Variants in SLC35E3 observed in about 807,000 individuals in gnomAD.
The protein encoded by SLC35E3 is bladder cancer-overexpressed gene 1 protein.
Under a neutral mutation model 30.8 loss-of-function variants are expected in SLC35E3, and 28 were observed. The ratio of observed to expected loss-of-function variants is 0.91; its 90% confidence interval spans 0.67 to 1.25. SLC35E3 has a LOEUF of 1.25. SLC35E3 is among the 50% of genes most tolerant of loss of function. SLC35E3 has a pLI of 0.00. For synonymous variants in SLC35E3, 146 were observed against 149.2 expected, an observed-to-expected ratio of 0.98 and a Z score of 0.16; for missense variants, 365 against 375.4, an observed-to-expected ratio of 0.97 and a Z score of 0.23.
Position 68,766,885 on chromosome 12 carries a change from A to G in SLC35E3, c.*1995A>G, listed in dbSNP as rs748028791. On this transcript the variant is annotated 3_prime_UTR_variant, in exon 5 of 5. Transcript: ENST00000398004. ...CAGGCCTGAGCCACCACACCTGGCCAGTAATTTCTTAATCCTACCTCCCTG... is the reference window on the plus strand; with the variant it reads ...CAGGCCTGAGCCACCACACCTGGCCGGTAATTTCTTAATCCTACCTCCCTG... The G allele has an allele frequency of 5.1e-5, 19 of 369,120 alleles. No individual in the cohort carries two copies. Among genetic ancestry groups the G allele is most frequent in the Non-Finnish European group, 9.5e-5 (17 of 179,298 alleles). 22.9% of individuals were successfully genotyped at this position (369,120 alleles called of 1,614,324 possible).
rs1369338352 is a variant in SLC35E3 at position 68,776,003 on chromosome 12, T to G, written c.*11113T>G. ...AAGGCCAGACTTGGTAGCTAACACC[T>G]GTAATCCCAGCACTTTGGGAGGCCA... On this transcript the variant is annotated 3_prime_UTR_variant, in exon 5 of 5. Coordinates refer to ENST00000398004, the MANE Select transcript of SLC35E3 (RefSeq NM_018656.5). The G allele has an allele frequency of 8.3e-6, 1 of 120,558 alleles. No individual in the cohort carries two copies. Among genetic ancestry groups the G allele is most frequent in the Non-Finnish European group, 1.6e-5 (1 of 60,874 alleles). 7.5% of individuals were successfully genotyped at this position (120,558 alleles called of 1,614,324 possible).
At position 68,767,621 on chromosome 12, in the gene SLC35E3, C is replaced by T. The variant is rs542310898; in HGVS notation, c.*2731C>T. 4 of 151,418 alleles carry T rather than the reference C, an allele frequency of 2.6e-5. No individual in the cohort carries two copies. The South Asian group carries it at 8.3e-4, about 31-fold the overall frequency. The allele number at this position is 151,418 out of a possible 1,614,324, so 9.4% of individuals were successfully genotyped here. A position where few individuals can be genotyped will look rare whatever the true frequency, so the allele number is the denominator to read the frequency against. On this transcript the variant is annotated 3_prime_UTR_variant, in exon 5 of 5. Transcript: ENST00000398004. ...TTAACACAATAAAAATATATATACA[C>T]ACATATAATATACCTTTGGGGTTTT...
Position 68,780,193 on chromosome 12 carries a change from G to A in SLC35E3, c.*15303G>A, listed in dbSNP as rs902508713. ...ATTTATTTTGTATTTTTTTGAGACA[G>A]GGTCTTACTTTGTCACCCAGGCTGG... On this transcript the variant is annotated 3_prime_UTR_variant, in exon 5 of 5. Transcript: ENST00000398004. 6.6e-6 allele frequency: 1 copy of A among 151,970 alleles called. No individual in the cohort carries two copies. The highest frequency in any genetic ancestry group is 1.5e-5 in the Non-Finnish European group (1 of 68,010). 9.4% of individuals were successfully genotyped at this position (151,970 alleles called of 1,614,324 possible). A position where few individuals can be genotyped will look rare whatever the true frequency, so the allele number is the denominator to read the frequency against.
chr12:68,757,934 CA>C (rs1280050588), intron 3 of SLC35E3, among the ~76,000 whole-genome samples: 2 of 144,206 alleles, frequency 1.4e-5, no homozygotes, highest in African/African-American at 2.6e-5. Context: ...CCAAAAAATT[CA>C]AAAAAAATTA....
chr12:68,766,690 T>G lies in SLC35E3; in HGVS notation c.*1800T>G. On this transcript the variant is annotated 3_prime_UTR_variant, in exon 5 of 5. Transcript: ENST00000398004. Reference sequence around the variant, plus strand: ...GCCTCAGCCTCCTGGGCTCAAGCAATCCTCCTGCCTCAACCTCCCCAGTAG... The same window carrying G: ...GCCTCAGCCTCCTGGGCTCAAGCAAGCCTCCTGCCTCAACCTCCCCAGTAG... 1 of 425,222 alleles carries G rather than the reference T, an allele frequency of 2.4e-6. No individual in the cohort carries two copies. The highest frequency in any genetic ancestry group is 4.7e-6 in the Non-Finnish European group (1 of 211,856). 26.3% of individuals were successfully genotyped at this position (425,222 alleles called of 1,614,324 possible).
chr12:68,764,587 C>G (rs2136079282), intron 4 of SLC35E3, 117 bp from the exon 5 acceptor site: 1 of 871,992 alleles, frequency 1.1e-6, no homozygotes, highest in South Asian at 1.9e-5. Flanking sequence ...CACGCCTGGT[C>G]CCATTGTTCT....
At position 68,766,920 on chromosome 12, in the gene SLC35E3, C is replaced by T. The variant is rs1221426833; in HGVS notation, c.*2030C>T. 1 of 309,790 alleles carries T rather than the reference C, an allele frequency of 3.2e-6. No homozygotes were observed. Among genetic ancestry groups the T allele is most frequent in the Non-Finnish European group, 6.8e-6 (1 of 147,654 alleles). 19.2% of individuals were successfully genotyped at this position (309,790 alleles called of 1,614,324 possible). On this transcript the variant is annotated 3_prime_UTR_variant, in exon 5 of 5. Transcript: ENST00000398004. ...TAATCCTACCTCCCTGCTTCTATTG[C>T]CTAGCCCGTACATTTGAGGCTTCCA... is the stretch of plus-strand genomic sequence containing the variant.
In SLC35E3 at chr12:68,777,603, G is replaced by C. The variant is rs896033980; in HGVS notation, c.*12713G>C. ...TTGGCCTCACCCTCTTCCCCAGCGT[G>C]AAGACGCACAACCCAAGTGGGACAG... On this transcript the variant is annotated 3_prime_UTR_variant, in exon 5 of 5. Transcript: ENST00000398004. 1.3e-5 allele frequency: 2 copies of C among 152,212 alleles called. No individual in the cohort carries two copies. The highest frequency in any genetic ancestry group is 4.8e-5 in the African/African-American group (2 of 41,458). 9.4% of individuals were successfully genotyped at this position (152,212 alleles called of 1,614,324 possible).
chr12:68,763,955 ATGCCTAACT>A (rs1022726549), intron 4 of SLC35E3, among the ~76,000 whole-genome samples: 31 of 152,148 alleles, frequency 2.0e-4, no homozygotes, highest in African/African-American at 7.5e-4. Flanking sequence ...GGTAAACGTG[ATGCCTAACT>A]TCGACGATTT....
At chr12:68,763,869 T>G (rs746230383) in intron 4 of SLC35E3, among the ~76,000 whole-genome samples, 19 of 152,198 alleles carry the variant, frequency 1.2e-4, no homozygotes, top group Non-Finnish European at 2.4e-4. Context: ...ACTTAATAGC[T>G]CTGTAATCTG....
chr12:68,760,126 G>C (rs1879190544), intron 4 of SLC35E3: 1 of 152,008 alleles, frequency 6.6e-6, no homozygotes, highest in East Asian at 2.0e-4. Flanking sequence ...GATCGCTTGA[G>C]CCCAAGAGTT....
In SLC35E3 at chr12:68,772,787, C is replaced by G. The variant is rs1879642137; in HGVS notation, c.*7897C>G. ...CAACGATCTGTATCAACCACGTCTT[C>G]ATTTTCCTTTTCCTGTTTGTCTTAC... On this transcript the variant is annotated 3_prime_UTR_variant, in exon 5 of 5. Coordinates refer to ENST00000398004, the MANE Select transcript of SLC35E3 (RefSeq NM_018656.5). 1 of 152,152 alleles carries G rather than the reference C, an allele frequency of 6.6e-6. No homozygotes were observed. The highest frequency in any genetic ancestry group is 1.5e-5 in the Non-Finnish European group (1 of 68,034). The allele number at this position is 152,152 out of a possible 1,614,324, so 9.4% of individuals were successfully genotyped here. A position where few individuals can be genotyped will look rare whatever the true frequency, so the allele number is the denominator to read the frequency against.
chr12:68,760,226 A>G (rs1565716607), intron 4 of SLC35E3: 1 of 152,214 alleles, frequency 6.6e-6, no homozygotes, highest in Admixed American at 6.6e-5. Flanking sequence ...GTCAAATTCA[A>G]CTGTCCATTT....
At position 68,746,238 on chromosome 12, in the gene SLC35E3, C is replaced by T. The variant is rs1206571633; in HGVS notation, c.-140C>T. On this transcript the variant is annotated 5_prime_UTR_variant, in exon 1 of 5. Transcript: ENST00000398004. ...TCCTCTGTTAAGAGTGCTACTCGCC[C>T]GGGGTTGATCTGTGCATGCCACTCC... 4 of 750,838 alleles carry T rather than the reference C, an allele frequency of 5.3e-6. No individual in the cohort carries two copies. Among genetic ancestry groups the T allele is most frequent in the African/African-American group, 1.8e-5 (1 of 56,634 alleles). 46.5% of individuals were successfully genotyped at this position (750,838 alleles called of 1,614,324 possible). A position where few individuals can be genotyped will look rare whatever the true frequency, so the allele number is the denominator to read the frequency against.
rs1879441940 is a variant in SLC35E3, at chr12:68,766,873, C to T, written c.*1983C>T. ...GTGCTGGGATTACAGGCCTGAGCCA[C>T]CACACCTGGCCAGTAATTTCTTAAT... On this transcript the variant is annotated 3_prime_UTR_variant, in exon 5 of 5. Coordinates refer to ENST00000398004, the MANE Select transcript of SLC35E3 (RefSeq NM_018656.5). 7 of 387,276 alleles carry T rather than the reference C, an allele frequency of 1.8e-5. No individual in the cohort carries two copies. The highest frequency in any genetic ancestry group is 5.3e-6 in the Non-Finnish European group (1 of 189,478). 24.0% of individuals were successfully genotyped at this position (387,276 alleles called of 1,614,324 possible).
chr12:68,765,699 T>C lies in SLC35E3; in HGVS notation c.*809T>C, dbSNP rs1879386006. On this transcript the variant is annotated 3_prime_UTR_variant, in exon 5 of 5. Transcript: ENST00000398004. ...ACACACACACATACATATACATGTGTATATATATACCATCCCATATATATG... is the reference window on the plus strand; with the variant it reads ...ACACACACACATACATATACATGTGCATATATATACCATCCCATATATATG... The C allele has an allele frequency of 6.6e-6, 1 of 151,142 alleles. No individual in the cohort carries two copies. The highest frequency in any genetic ancestry group is 1.5e-5 in the Non-Finnish European group (1 of 67,914). The allele number at this position is 151,142 out of a possible 1,614,324, so 9.4% of individuals were successfully genotyped here. A position where few individuals can be genotyped will look rare whatever the true frequency, so the allele number is the denominator to read the frequency against.
Position 68,766,172 on chromosome 12 carries a change from T to C in SLC35E3, c.*1282T>C, listed in dbSNP as rs1315808804. The C allele has an allele frequency of 1.3e-5, 2 of 152,066 alleles. No homozygotes were observed. The highest frequency in any genetic ancestry group is 2.9e-5 in the Non-Finnish European group (2 of 68,010). The allele number at this position is 152,066 out of a possible 1,614,324, so 9.4% of individuals were successfully genotyped here. On this transcript the variant is annotated 3_prime_UTR_variant, in exon 5 of 5. Coordinates refer to ENST00000398004, the MANE Select transcript of SLC35E3 (RefSeq NM_018656.5). ...ATCTCTTTGAGTTTTCAGTGAACTATAGAAACTATATGGAGTTAAAAAACA... is the reference window on the plus strand; with the variant it reads ...ATCTCTTTGAGTTTTCAGTGAACTACAGAAACTATATGGAGTTAAAAAACA...
Position 68,752,198 on chromosome 12 carries a change from C to G in SLC35E3, c.672+8C>G. The G allele has an allele frequency of 6.3e-7, 1 of 1,590,888 alleles. No individual in the cohort carries two copies. Among genetic ancestry groups the G allele is most frequent in the South Asian group, 1.2e-5 (1 of 86,832 alleles). Reference sequence around the variant, plus strand: ...TGGTCAGTTTCTGCTTTGGTAAGTTCTAATTGTTTTGATATCTAAGAAACA... The same window carrying G: ...TGGTCAGTTTCTGCTTTGGTAAGTTGTAATTGTTTTGATATCTAAGAAACA... On this transcript the variant is annotated splice_region_variant and intron_variant, in intron 3 of 4. Transcript: ENST00000398004.
chr12:68,758,932 G>A (rs1262688224), intron 3 of SLC35E3, among the ~76,000 whole-genome samples: 3 of 151,536 alleles, frequency 2.0e-5, no homozygotes, highest in Admixed American at 6.6e-5. Context: ...TAGTAGAGAT[G>A]GGGTTTCACC....
Sources: gnomAD v4.1 joint callset for allele counts (sites outside exome capture counted in the v4.1 genomes callset) on GRCh38, gnomAD v4.1.1 for gene constraint, MANE v1.5 for transcripts, NCBI Gene and HGNC (gene_info 2026-07-23, HGNC 2026-07-21) for gene names.